BLTP3B: variants seen among roughly 807,000 people sequenced by gnomAD.
BLTP3B encodes bridge-like lipid transfer protein family member 3B, also known as UHRF1 (ICBP90) binding protein 1-like.
At chr12:100,129,213 CAA>C in the BLTP3B span, among the ~76,000 whole-genome samples, 1 of 151,068 alleles carries the variant, frequency 6.6e-6, no homozygotes, top group Non-Finnish European at 1.5e-5. Context: ...ATCCACAAAC[CAA>C]AGAGATATCC....
chr12:100,112,653 T>C, the BLTP3B span, among the ~76,000 whole-genome samples: 4 of 148,286 alleles, frequency 2.7e-5, 1 homozygote, highest in Admixed American at 6.6e-5. Context: ...AAGTAAACAT[T>C]TAAGGGCAAA....
chr12:100,084,421 CACACAG>C, the BLTP3B span: 45 of 1,177,810 alleles, frequency 3.8e-5, no homozygotes, highest in East Asian at 8.7e-4. Flanking sequence ...CACACACACA[CACACAG>C]AGTGCAAACA....
the BLTP3B span, chr12:100,095,938 T>A: frequency 7.5e-5 from 82 of 1,100,440 alleles, no homozygotes; most frequent in Non-Finnish European, 9.5e-5. Context: ...AATAGAAATA[T>A]GGATTCTTCC....
the BLTP3B span, among the ~76,000 whole-genome samples, chr12:100,132,276 C>T: frequency 2.4e-4 from 36 of 152,190 alleles, no homozygotes; most frequent in Middle Eastern, 3.4e-3. Flanking sequence ...TATGTTTTCC[C>T]GCTAGAGTCT....
the BLTP3B span, among the ~76,000 whole-genome samples, chr12:100,062,297 T>C: frequency 6.6e-6 from 1 of 152,238 alleles, no homozygotes; most frequent in African/African-American, 2.4e-5. Context: ...TTGTTTTGGC[T>C]TTTTCTTCTT....
At chr12:100,072,702 ATT>A in the BLTP3B span, 1 of 1,585,752 alleles carries the variant, frequency 6.3e-7, no homozygotes, top group Non-Finnish European at 8.5e-7. Flanking sequence ...GGATAGTAAT[ATT>A]CTGTGAATTC....
At chr12:100,140,597 C>T in the BLTP3B span, among the ~76,000 whole-genome samples, 2 of 146,520 alleles carry the variant, frequency 1.4e-5, no homozygotes, top group Non-Finnish European at 3.0e-5. Context: ...CCCAGCTACT[C>T]GGGAGGCTGA....
At chr12:100,065,953 C>T in the BLTP3B span, among the ~76,000 whole-genome samples, 10,419 of 152,202 alleles carry the variant, frequency 0.068, 390 homozygotes, top group South Asian at 0.089. Context: ...GTGGGCATCA[C>T]GGTCCTACCA....
the BLTP3B span, among the ~76,000 whole-genome samples, chr12:100,115,760 T>TG: frequency 2.9e-4 from 43 of 150,312 alleles, no homozygotes; most frequent in African/African-American, 1.0e-3. Flanking sequence ...AGATCCTGTC[T>TG]GGGAAAAAAA....
chr12:100,063,868 C>T, the BLTP3B span, among the ~76,000 whole-genome samples: 1 of 152,084 alleles, frequency 6.6e-6, no homozygotes, highest in Non-Finnish European at 1.5e-5. Flanking sequence ...GGTAATATGA[C>T]AAGACAAGGT....
At chr12:100,102,768 T>C in the BLTP3B span, 10 of 1,603,776 alleles carry the variant, frequency 6.2e-6, no homozygotes, top group Middle Eastern at 1.7e-4. Context: ...TAGCTTACCT[T>C]TGTCCTGAAG....
chr12:100,123,687 T>C, the BLTP3B span, among the ~76,000 whole-genome samples: 2 of 152,094 alleles, frequency 1.3e-5, no homozygotes, highest in African/African-American at 4.8e-5. Flanking sequence ...ATAAATTTTT[T>C]AAACTAAAAC....
chr12:100,088,965 A>G, the BLTP3B span: 1 of 1,498,972 alleles, frequency 6.7e-7, no homozygotes, highest in Non-Finnish European at 8.9e-7. Context: ...TAGATGAGAA[A>G]TCACTAAATG....
the BLTP3B span, among the ~76,000 whole-genome samples, chr12:100,070,408 T>C: frequency 1.3e-5 from 2 of 151,860 alleles, no homozygotes; most frequent in Non-Finnish European, 2.9e-5. Flanking sequence ...TACAGGCAGG[T>C]GCCACCACGC....
the BLTP3B span, among the ~76,000 whole-genome samples, chr12:100,112,355 GAATT>G: frequency 4.0e-5 from 6 of 151,758 alleles, no homozygotes; most frequent in African/African-American, 1.5e-4. Context: ...ATTTAAAAAA[GAATT>G]AGCCAGGCAT....
the BLTP3B span, among the ~76,000 whole-genome samples, chr12:100,098,951 T>TAGACAGACAGAC: frequency 5.2e-5 from 7 of 134,846 alleles, no homozygotes; most frequent in East Asian, 2.0e-4. Flanking sequence ...GACACATAGA[T>TAGACAGACAGAC]ACATAGATAC....
the BLTP3B span, among the ~76,000 whole-genome samples, chr12:100,136,343 C>A: frequency 6.7e-6 from 1 of 149,922 alleles, no homozygotes; most frequent in East Asian, 1.9e-4. Flanking sequence ...TTATTTTTTT[C>A]TTCCTTTTTC....
At chr12:100,099,985 A>G in the BLTP3B span, among the ~76,000 whole-genome samples, 1 of 151,162 alleles carries the variant, frequency 6.6e-6, no homozygotes, top group Non-Finnish European at 1.5e-5. Flanking sequence ...GTTACATATA[A>G]ATTATTAAAA....
At chr12:100,078,509 G>A in the BLTP3B span, among the ~76,000 whole-genome samples, 13 of 152,236 alleles carry the variant, frequency 8.5e-5, no homozygotes, top group South Asian at 8.3e-4. Flanking sequence ...GCAAAACGAC[G>A]CAGGGTGGAG....
Sources: allele counts gnomAD v4.1 joint callset (sites outside exome capture counted in the v4.1 genomes callset), GRCh38; gene constraint gnomAD v4.1.1; transcripts MANE v1.5; gene names NCBI Gene and HGNC (gene_info 2026-07-23, HGNC 2026-07-21).